Variants in PRRC2B observed in about 807,000 individuals in gnomAD.
PRRC2B encodes the protein proline rich coiled-coil 2B, also known as protein PRRC2B.
PRRC2B carries 68 observed loss-of-function variants against 242.3 expected under a neutral mutation model. That is an observed-to-expected ratio of 0.28 (90% confidence interval 0.23 to 0.34). The LOEUF (loss-of-function observed/expected upper bound fraction) is 0.34. PRRC2B is among the 10% of genes least tolerant of loss of function. The pLI is 1.00. For synonymous variants in PRRC2B, 1,228 were observed against 1,173.6 expected, an observed-to-expected ratio of 1.05 and a Z score of -0.95; for missense variants, 2,835 against 2,954.8, an observed-to-expected ratio of 0.96 and a Z score of 0.94.
intron 9 of PRRC2B, among the ~76,000 whole-genome samples, chr9:131,450,702 C>T (rs956385360): frequency 6.6e-6 from 1 of 152,000 alleles, no homozygotes; most frequent in Non-Finnish European, 1.5e-5. Context: ...ATTCTCATGT[C>T]TCAGCCTTCC....
At chr9:131,490,279 G>T (rs889472723) in intron 28 of PRRC2B, among the ~76,000 whole-genome samples, 2 of 150,708 alleles carry the variant, frequency 1.3e-5, no homozygotes, top group Admixed American at 6.6e-5. Flanking sequence ...GCTTTAAAAG[G>T]ATTCAGAATC....
chr9:131,463,439 C>G (rs1943299432), intron 11 of PRRC2B, among the ~76,000 whole-genome samples: 1 of 151,996 alleles, frequency 6.6e-6, no homozygotes, highest in South Asian at 2.1e-4. Context: ...CTGTCTTTTT[C>G]TGGTACTCAG....
intron 1 of PRRC2B, among the ~76,000 whole-genome samples, chr9:131,383,583 T>G (rs971623917): frequency 3.4e-5 from 5 of 146,696 alleles, no homozygotes; most frequent in Non-Finnish European, 7.4e-5. Context: ...TGTTTGTTTG[T>G]TTTGGTTTTG....
chr9:131,475,449 G>T lies in PRRC2B; in HGVS notation c.3320G>T (p.Gly1107Val). The change falls in exon 16 of 32, where the codon GGC becomes GTC. Residue 1107 changes from glycine to valine, a missense_variant. This residue lies in a region of PRRC2B where 1,536 missense variants were observed against 1,483.1 expected (regional missense o/e 1.04). Transcript: ENST00000683519. ...RSIYCSSQRS[G>V]RGRGLREFAR... ...ATCTACTGCAGCAGTCAGCGCAGCG[G>T]CCGTGGCCGGGGCCTGCGAGAGTTT... The T allele has an allele frequency of 6.3e-7, 1 of 1,582,550 alleles. No homozygotes were observed. The highest frequency in any genetic ancestry group is 8.6e-7 in the Non-Finnish European group (1 of 1,164,074).
intron 10 of PRRC2B, 62 bp from the exon 11 acceptor site, chr9:131,459,102 A>G (rs536887924): frequency 1.4e-6 from 2 of 1,468,606 alleles, no homozygotes; most frequent in South Asian, 1.2e-5. Flanking sequence ...GCCTCTGACC[A>G]GTGAGATCAG....
At chr9:131,388,657 C>A (rs921583018) in intron 1 of PRRC2B, among the ~76,000 whole-genome samples, 2 of 149,226 alleles carry the variant, frequency 1.3e-5, no homozygotes, top group African/African-American at 4.9e-5. Context: ...GATTCACCTG[C>A]CTCATCCTCC....
chr9:131,402,444 A>C (rs1837251970), intron 1 of PRRC2B, among the ~76,000 whole-genome samples: 1 of 152,248 alleles, frequency 6.6e-6, no homozygotes, highest in Non-Finnish European at 1.5e-5. Context: ...CTTAAGGCAG[A>C]ATAATATTCT....
intron 1 of PRRC2B, among the ~76,000 whole-genome samples, chr9:131,404,445 C>T (rs1002498662): frequency 6.6e-6 from 1 of 152,114 alleles, no homozygotes. Context: ...TGGTCTCGAA[C>T]TCTTGACCTC....
intron 10 of PRRC2B, among the ~76,000 whole-genome samples, chr9:131,456,506 C>G (rs1385872538): frequency 6.6e-6 from 1 of 151,714 alleles, no homozygotes; most frequent in African/African-American, 2.4e-5. Context: ...TGGTAGGTGC[C>G]TGTAGTCCCA....
chr9:131,406,538 T>G (rs958495535), intron 1 of PRRC2B, among the ~76,000 whole-genome samples: 1 of 152,220 alleles, frequency 6.6e-6, no homozygotes, highest in Non-Finnish European at 1.5e-5. Flanking sequence ...AGTGTTCCTT[T>G]CAGCCACTTA....
intron 1 of PRRC2B, among the ~76,000 whole-genome samples, chr9:131,401,878 C>T (rs1306442347): frequency 3.3e-5 from 5 of 151,590 alleles, no homozygotes; most frequent in Non-Finnish European, 1.5e-5. Flanking sequence ...CCAGGCTGGT[C>T]TCGAACCCCT....
chr9:131,464,783 G>T lies in PRRC2B; in HGVS notation c.1425G>T (p.Met475Ile). 1 of 1,600,392 alleles carries T rather than the reference G, an allele frequency of 6.2e-7. No homozygotes were observed. The highest frequency in any genetic ancestry group is 8.5e-7 in the Non-Finnish European group (1 of 1,170,646). Reference protein sequence around the residue: ...PDYQKSSMGSMFRQQSIEDKE... With the variant: ...PDYQKSSMGSIFRQQSIEDKE... Reference sequence around the variant, plus strand: ...GGCAGAAGTCATCAATGGGCAGCATGTTCCGGCAACAGTCCATCGAGGACA... The same window carrying T: ...GGCAGAAGTCATCAATGGGCAGCATTTTCCGGCAACAGTCCATCGAGGACA... The change falls in exon 12 of 32, where the codon ATG becomes ATT. Residue 475 changes from methionine to isoleucine, a missense_variant. This residue lies in a region of PRRC2B where 626 missense variants were observed against 685.5 expected (regional missense o/e 0.91). Transcript: ENST00000683519.
Position 131,475,364 on chromosome 9 carries a change from C to G in PRRC2B, c.3235C>G (p.Arg1079Gly). 3.2e-6 allele frequency: 5 copies of G among 1,585,432 alleles called. No individual in the cohort carries two copies. Among genetic ancestry groups the G allele is most frequent in the Non-Finnish European group, 4.3e-6 (5 of 1,166,486 alleles). ...RGFREFTFRG[R>G]PAGGNGSGLC... The stretch of plus-strand genomic sequence containing the variant: ...TTTCAGAGAGTTCACTTTTCGTGGT[C>G]GGCCTGCTGGCGGAAATGGGAGCGG... The change falls in exon 16 of 32, where the codon CGG (arginine) becomes GGG (glycine). Residue 1079 changes from arginine to glycine, a missense_variant. This residue lies in a region of PRRC2B where 1,536 missense variants were observed against 1,483.1 expected (regional missense o/e 1.04). Transcript: ENST00000683519.
chr9:131,406,897 A>G (rs1298192353), intron 1 of PRRC2B, among the ~76,000 whole-genome samples: 1 of 152,212 alleles, frequency 6.6e-6, no homozygotes, highest in Non-Finnish European at 1.5e-5. Flanking sequence ...TCTTTATAAT[A>G]TCAAGAGAGG....
chr9:131,482,539 G>T lies in PRRC2B; in HGVS notation c.5152G>T (p.Ala1718Ser), dbSNP rs1373550574. The change falls in exon 21 of 32, where the codon GCT (alanine) becomes TCT (serine). Residue 1718 changes from alanine to serine, a missense_variant. Transcript: ENST00000683519. This position sits in a 1 kb window ranked among gnomAD's most constrained non-coding sequence, Gnocchi z 5.2. ...EPKADSHKEQ[A>S]PKPSEQKDSE... ...CAAGGCCGACAGCCACAAGGAGCAG[G>T]CTCCAAAGCCATCTGAGCAGAAGGT... 1.2e-6 allele frequency: 2 copies of T among 1,604,674 alleles called. No homozygotes were observed. Among genetic ancestry groups the T allele is most frequent in the South Asian group, 2.2e-5 (2 of 90,462 alleles).
rs1944353517 is a variant in PRRC2B, at chr9:131,497,056, G to A, written c.*1182G>A. The A allele has an allele frequency of 6.6e-6, 1 of 152,418 alleles. No individual in the cohort carries two copies. The highest frequency in any genetic ancestry group is 1.5e-5 in the Non-Finnish European group (1 of 68,080). 9.4% of individuals were successfully genotyped at this position (152,418 alleles called of 1,614,324 possible). ...AACACCACTTGGTGATGGAGGGAGTGGACCCGTGTGTGGTCCCCAAGTGAG... is the reference window on the plus strand; with the variant it reads ...AACACCACTTGGTGATGGAGGGAGTAGACCCGTGTGTGGTCCCCAAGTGAG... On this transcript the variant is annotated 3_prime_UTR_variant, in exon 32 of 32. Coordinates refer to ENST00000683519, the MANE Select transcript of PRRC2B (RefSeq NM_013318.4).
At position 131,475,280 on chromosome 9, in the gene PRRC2B, T is replaced by C; in HGVS notation, c.3151T>C (p.Phe1051Leu). The change falls in exon 16 of 32, where the codon TTT becomes CTT. Residue 1051 changes from phenylalanine to leucine, a missense_variant. Physicochemically the swap from Phe to Leu is conservative, Grantham distance 22. This residue lies in a region of PRRC2B where 1,536 missense variants were observed against 1,483.1 expected (regional missense o/e 1.04). Coordinates refer to ENST00000683519, the MANE Select transcript of PRRC2B (RefSeq NM_013318.4). ...CCCCATGAAGAGAAATAACTGGATC[T>C]TTATTGATGAGGAGCAAGCCTTTGG... is the stretch of plus-strand genomic sequence containing the variant. ...VPPMKRNNWI[F>L]IDEEQAFGVR... 4 of 1,612,256 alleles carry C rather than the reference T, an allele frequency of 2.5e-6. No individual in the cohort carries two copies. The highest frequency in any genetic ancestry group is 3.4e-6 in the Non-Finnish European group (4 of 1,179,328).
upstream of PRRC2B, among the ~76,000 whole-genome samples, chr9:131,393,267 G>T (rs1380507603): frequency 6.6e-6 from 1 of 152,238 alleles, no homozygotes; most frequent in Non-Finnish European, 1.5e-5. Flanking sequence ...ACCGTGACTG[G>T]AAGAGGGTGG....
At chr9:131,477,362 G>C (rs1161028699) in intron 16 of PRRC2B, among the ~76,000 whole-genome samples, 1 of 152,352 alleles carries the variant, frequency 6.6e-6, no homozygotes, top group Admixed American at 6.5e-5. Flanking sequence ...GCCAGAGGCT[G>C]ACCCTTGGCT....
Sources: gnomAD v4.1 joint callset for allele counts (sites outside exome capture counted in the v4.1 genomes callset) on GRCh38, gnomAD v4.1.1 for gene constraint, gnomAD v4.1.1 regional missense constraint, Gnocchi (gnomAD v3.1) non-coding constraint, MANE v1.5 for transcripts, NCBI Gene and HGNC (gene_info 2026-07-23, HGNC 2026-07-21) for gene names.